OPCML: variants seen among roughly 807,000 people sequenced by gnomAD.
The protein encoded by OPCML is opioid-binding protein/cell adhesion molecule.
In OPCML, 13 loss-of-function variants were observed where a neutral mutation model predicts 37.8. The observed-to-expected ratio is 0.34, with a 90% CI of 0.22 to 0.55. The LOEUF is 0.55. OPCML is among the 20% of genes least tolerant of loss of function. The probability of loss-of-function intolerance (pLI) is 0.91; values close to 1 mark genes in which losing one functional copy is unlikely to be tolerated. For missense variants in OPCML, 341 were observed against 435.6 expected, an observed-to-expected ratio of 0.78 and a Z score of 1.93; for synonymous variants, 176 against 168.8, an observed-to-expected ratio of 1.04 and a Z score of -0.33.
intron 2 of OPCML, among the ~76,000 whole-genome samples, chr11:132,789,264 C>T (rs1219007663): frequency 6.6e-6 from 1 of 152,174 alleles, no homozygotes; most frequent in East Asian, 1.9e-4. Flanking sequence ...TTCAGGAGGG[C>T]AGAAACCACA....
At chr11:132,683,984 T>C (rs962456269) in intron 2 of OPCML, among the ~76,000 whole-genome samples, 3 of 152,170 alleles carry the variant, frequency 2.0e-5, no homozygotes, top group African/African-American at 7.2e-5. Context: ...AATATTTGTC[T>C]CCAACTTTAT....
chr11:133,017,761 CA>C (rs1947361778), intron 1 of OPCML, among the ~76,000 whole-genome samples: 1 of 152,188 alleles, frequency 6.6e-6, no homozygotes, highest in African/African-American at 2.4e-5. Flanking sequence ...CAAATTCCAG[CA>C]GAAAGCTGAG....
chr11:133,238,232 T>A (rs1455524253), intron 1 of OPCML, among the ~76,000 whole-genome samples: 1 of 152,210 alleles, frequency 6.6e-6, no homozygotes, highest in Admixed American at 6.5e-5. Context: ...TCAAAGGCAG[T>A]CTGGATCTGT....
intron 1 of OPCML, among the ~76,000 whole-genome samples, chr11:133,366,973 C>A (rs1041656500): frequency 2.0e-5 from 3 of 152,074 alleles, no homozygotes; most frequent in Admixed American, 6.5e-5. Flanking sequence ...ATCCAATCAT[C>A]GAATGCACTT....
intron 1 of OPCML, among the ~76,000 whole-genome samples, chr11:133,398,886 G>T (rs1300622208): frequency 1.3e-5 from 2 of 152,144 alleles, no homozygotes; most frequent in Non-Finnish European, 2.9e-5. Flanking sequence ...TCTCATGTGA[G>T]TTGGGAATCA....
rs1322881160 is a variant in OPCML at position 133,458,250 on chromosome 11, A to T, written c.61+74014T>A. On this transcript the variant is annotated intron_variant, in intron 1 of 7. Transcript: ENST00000524381. Reference sequence around the variant, plus strand: ...TACACGTGTGTGTATATATACACATATATATACACGTGTGTGTATATATAC... The same window carrying T: ...TACACGTGTGTGTATATATACACATTTATATACACGTGTGTGTATATATAC... Among the ~76,000 whole-genome samples, 15 of 57,226 alleles carry T rather than the reference A, an allele frequency of 2.6e-4. 1 individual carries two copies. Among genetic ancestry groups the T allele is most frequent in the Admixed American group, 1.9e-3 (11 of 5,816 alleles). The allele number at this position is 57,226 out of a possible 152,430, so 37.5% of individuals were successfully genotyped here.
At chr11:133,149,383 C>T (rs1949942702) in intron 1 of OPCML, among the ~76,000 whole-genome samples, 1 of 152,156 alleles carries the variant, frequency 6.6e-6, no homozygotes, top group Admixed American at 6.5e-5. Flanking sequence ...ATGTTCTTTC[C>T]TACTGTTTTT....
chr11:133,523,363 GAGACTT>G (rs1353947964), intron 1 of OPCML, among the ~76,000 whole-genome samples: 3 of 152,130 alleles, frequency 2.0e-5, no homozygotes, highest in African/African-American at 7.2e-5. Flanking sequence ...TGACAGTGGG[GAGACTT>G]AGATTTCAGT....
intron 1 of OPCML, among the ~76,000 whole-genome samples, chr11:133,310,968 T>C (rs1943054912): frequency 6.6e-6 from 1 of 152,230 alleles, no homozygotes; most frequent in Admixed American, 6.5e-5. Flanking sequence ...CATTGCACTA[T>C]TTGAGAAAAT....
chr11:133,057,647 C>T (rs1461659543), intron 1 of OPCML, among the ~76,000 whole-genome samples: 1 of 152,194 alleles, frequency 6.6e-6, no homozygotes, highest in Admixed American at 6.5e-5. Flanking sequence ...CTGCTATTTG[C>T]CCTTTTTTCA....
At chr11:132,753,241 G>C (rs1288671119) in intron 2 of OPCML, among the ~76,000 whole-genome samples, 1 of 152,032 alleles carries the variant, frequency 6.6e-6, no homozygotes, top group Non-Finnish European at 1.5e-5. Flanking sequence ...CCAGCACTCT[G>C]TACTTCCATT....
intron 2 of OPCML, among the ~76,000 whole-genome samples, chr11:132,725,922 C>T (rs564179833): frequency 6.6e-6 from 1 of 152,166 alleles, no homozygotes; most frequent in Non-Finnish European, 1.5e-5. Flanking sequence ...TACCTTTGCT[C>T]TAGTTTCCCC....
chr11:133,018,016 G>A (rs1947370072), intron 1 of OPCML, among the ~76,000 whole-genome samples: 1 of 152,184 alleles, frequency 6.6e-6, no homozygotes, highest in Non-Finnish European at 1.5e-5. Context: ...ATCAGCCCTT[G>A]ATACCTGCAG....
chr11:133,039,519 A>G (rs2136941654), intron 1 of OPCML, among the ~76,000 whole-genome samples: 1 of 152,188 alleles, frequency 6.6e-6, no homozygotes, highest in South Asian at 2.1e-4. Context: ...AGTGGAGTGT[A>G]TACCCATTGG....
At chr11:133,147,527 T>C (rs1237977741) in intron 1 of OPCML, among the ~76,000 whole-genome samples, 3 of 152,122 alleles carry the variant, frequency 2.0e-5, no homozygotes, top group Admixed American at 1.3e-4. Context: ...GACTTTGACC[T>C]TAGCAAGCAT....
intron 1 of OPCML, among the ~76,000 whole-genome samples, chr11:133,243,966 G>A (rs1940824306): frequency 6.6e-6 from 1 of 152,184 alleles, no homozygotes; most frequent in Non-Finnish European, 1.5e-5. Context: ...CGAGGGAGCT[G>A]CTTTGGGAGA....
chr11:132,781,975 TGAGA>T (rs1198951881), intron 2 of OPCML, among the ~76,000 whole-genome samples: 4 of 135,048 alleles, frequency 3.0e-5, no homozygotes, highest in African/African-American at 2.7e-5. Flanking sequence ...TTTTTTTTCT[TGAGA>T]GAGAGAGAGA....
At chr11:133,022,122 G>T (rs1010221368) in intron 1 of OPCML, among the ~76,000 whole-genome samples, 1 of 152,172 alleles carries the variant, frequency 6.6e-6, no homozygotes, top group African/African-American at 2.4e-5. Context: ...GTGATCTTTG[G>T]TTATGAGTGA....
intron 1 of OPCML, among the ~76,000 whole-genome samples, chr11:133,190,924 C>G (rs1017030934): frequency 2.6e-5 from 4 of 151,388 alleles, no homozygotes; most frequent in African/African-American, 4.9e-5. Flanking sequence ...CTTTTTTGGA[C>G]TATTTTGAAT....
Sources: allele counts gnomAD v4.1 joint callset (sites outside exome capture counted in the v4.1 genomes callset), GRCh38; gene constraint gnomAD v4.1.1; transcripts MANE v1.5; gene names NCBI Gene and HGNC (gene_info 2026-07-23, HGNC 2026-07-21).